The following TRPV3 variants were observed in gnomAD, a reference collection of about 807,000 sequenced individuals.
The protein encoded by TRPV3 is transient receptor potential cation channel subfamily V member 3, also known as VRL-3.
Under a neutral mutation model 87.1 loss-of-function variants are expected in TRPV3, and 88 were observed. The ratio of observed to expected loss-of-function variants is 1.01; its 90% confidence interval spans 0.85 to 1.21. The LOEUF (loss-of-function observed/expected upper bound fraction) is 1.21. Among genes scored for constraint, TRPV3 ranks in the 50% most tolerant of loss-of-function variants. The pLI, the probability that TRPV3 is intolerant of heterozygous loss-of-function variation, is 0.00. For missense variants in TRPV3, 1,054 were observed against 1,030.1 expected, an observed-to-expected ratio of 1.02 and a Z score of -0.32; for synonymous variants, 438 against 423.3, an observed-to-expected ratio of 1.03 and a Z score of -0.43.
chr17:3,541,007 A>G (rs949316332), intron 6 of TRPV3, among the ~76,000 whole-genome samples: 3 of 152,248 alleles, frequency 2.0e-5, no homozygotes, highest in Admixed American at 2.0e-4. Context: ...AGTTCAAATA[A>G]TAAATCACAA....
chr17:3,522,017 A>G (rs1334651939), intron 13 of TRPV3, among the ~76,000 whole-genome samples: 1 of 152,186 alleles, frequency 6.6e-6, no homozygotes. Context: ...AAGGGGTTGC[A>G]GTGAGCCTAG....
At chr17:3,527,786 G>A in intron 11 of TRPV3, 1 of 542,370 alleles carries the variant, frequency 1.8e-6, no homozygotes, top group Non-Finnish European at 3.3e-6. Flanking sequence ...ACACTGAGTG[G>A]CTGGGAAGGT....
chr17:3,555,187 G>A (rs2074615902), intron 1 of TRPV3, among the ~76,000 whole-genome samples: 1 of 151,960 alleles, frequency 6.6e-6, no homozygotes. Flanking sequence ...GGAGAGTCCA[G>A]CAGGGTGTCC....
Position 3,514,584 on chromosome 17 carries a change from C to A in TRPV3, c.2278+9G>T. The A allele has an allele frequency of 6.2e-7, 1 of 1,606,650 alleles. No individual in the cohort carries two copies. Among genetic ancestry groups the A allele is most frequent in the Non-Finnish European group, 8.5e-7 (1 of 1,173,310 alleles). ...GAGCGGACACCATGTCACCTCACAGCGACAGTACCTGTTCGTCTTACAGGC... is the reference window on the plus strand; with the variant it reads ...GAGCGGACACCATGTCACCTCACAGAGACAGTACCTGTTCGTCTTACAGGC... On this transcript the variant is annotated intron_variant, in intron 17 of 17. Coordinates refer to ENST00000576742, the MANE Select transcript of TRPV3 (RefSeq NM_145068.4).
chr17:3,525,944 A>G (rs2074296061), intron 12 of TRPV3, among the ~76,000 whole-genome samples: 2 of 152,156 alleles, frequency 1.3e-5, no homozygotes. Flanking sequence ...AGTATAATAT[A>G]TCGCAAACAT....
At chr17:3,529,915 G>T (rs1567636392) in intron 9 of TRPV3, 112 bp downstream of exon 9, 1 of 1,265,894 alleles carries the variant, frequency 7.9e-7, no homozygotes, top group Non-Finnish European at 1.1e-6. Context: ...GGGGTATGCA[G>T]ATGCCGAGGG....
intron 15 of TRPV3, among the ~76,000 whole-genome samples, chr17:3,517,914 G>GATCAAGCGATCCTCCTGCC (rs2150779679): frequency 6.6e-6 from 1 of 151,246 alleles, no homozygotes; most frequent in African/African-American, 2.4e-5. Context: ...CACCTCCTGG[G>GATCAAGCGATCCTCCTGCC]TTCAAGCGAT....
At chr17:3,549,471 A>T (rs563613854) in intron 2 of TRPV3, among the ~76,000 whole-genome samples, 4 of 152,346 alleles carry the variant, frequency 2.6e-5, no homozygotes, top group African/African-American at 7.2e-5. Context: ...ACTACAGTTG[A>T]ATTATCCTTG....
At position 3,519,696 on chromosome 17, in the gene TRPV3, G is replaced by GGAAGGATA. The variant is rs761576710; in HGVS notation, c.1811-847_1811-846insTATCCTTC. On this transcript the variant is annotated intron_variant, in intron 14 of 17. Transcript: ENST00000576742. ...TCGATGGATGGATGGATGATTGGAT[G>GGAAGGATA]GATGGATAGATGGATGGATGGATGG... 6.7e-3 allele frequency among the ~76,000 whole-genome samples: 828 copies of GGAAGGATA among 123,536 alleles called. 15 individuals are homozygous for GGAAGGATA. Among genetic ancestry groups the GGAAGGATA allele is most frequent in the Middle Eastern group, 9.6e-3 (2 of 208 alleles). The allele number at this position is 123,536 out of a possible 152,430, so 81.0% of individuals were successfully genotyped here.
At chr17:3,514,067 CTTTT>C in intron 17 of TRPV3, 56 bp from the exon 18 acceptor site, 1 of 1,418,150 alleles carries the variant, frequency 7.1e-7, no homozygotes, top group Non-Finnish European at 9.6e-7. Flanking sequence ...TAGTGTGTTT[CTTTT>C]TTCTTTTTCT....
intron 12 of TRPV3, 32 bp downstream of exon 12, chr17:3,526,822 G>A (rs1200901041): frequency 3.9e-5 from 61 of 1,581,616 alleles, no homozygotes; most frequent in Non-Finnish European, 4.8e-5. Context: ...CCCTGCCTGT[G>A]AGGCGATAAC....
rs1216041857 is a variant in TRPV3 at position 3,524,225 on chromosome 17, C to T, written c.1716G>A (p.Met572Ile). The change falls in exon 13 of 18, where the codon ATG becomes ATA. Residue 572 changes from methionine to isoleucine, a missense_variant. By Grantham distance (10) the Met-to-Ile change is conservative (BLOSUM62 1). Transcript: ENST00000576742. ...MLYYTRGFQS[M>I]GMYSVMIQKV... ...TCTGGATCATGACGCTGTACATGCCCATGGACTGGAAACCCCGCGTATAGT... is the reference window on the plus strand; with the variant it reads ...TCTGGATCATGACGCTGTACATGCCTATGGACTGGAAACCCCGCGTATAGT... 2 of 1,614,222 alleles carry T rather than the reference C, an allele frequency of 1.2e-6. No homozygotes were observed. The highest frequency in any genetic ancestry group is 3.3e-5 in the Admixed American group (2 of 60,016).
At chr17:3,538,853 G>A (rs2074432100) in intron 6 of TRPV3, among the ~76,000 whole-genome samples, 1 of 152,200 alleles carries the variant, frequency 6.6e-6, no homozygotes, top group Admixed American at 6.5e-5. Context: ...CCAAAGTGCT[G>A]GGATTACAGG....
chr17:3,553,443 A>G (rs568439333), intron 2 of TRPV3: 1 of 152,710 alleles, frequency 6.5e-6, no homozygotes, highest in East Asian at 1.9e-4. Context: ...CCCAGGACTC[A>G]GCTCCAGTGG....
chr17:3,545,101 A>G, intron 3 of TRPV3, 66 bp downstream of exon 3: 2 of 1,173,926 alleles, frequency 1.7e-6, no homozygotes, highest in Non-Finnish European at 2.5e-6. Context: ...AGGGCAAGTC[A>G]CTGGCCACAT....
chr17:3,513,836 TCAAAG>T lies in TRPV3; in HGVS notation c.*76_*80del. ...CAGCAGAGCCGGACTCCACCATCCC[TCAAAG>T]CCTCTCTGCACAGAGTCGGTGACTC... On this transcript the variant is annotated 3_prime_UTR_variant, in exon 18 of 18. Transcript: ENST00000576742. The T allele has an allele frequency of 1.6e-6, 2 of 1,259,418 alleles. No individual in the cohort carries two copies. Among genetic ancestry groups the T allele is most frequent in the Non-Finnish European group, 2.3e-6 (2 of 872,788 alleles). 78.0% of individuals were successfully genotyped at this position (1,259,418 alleles called of 1,614,324 possible).
rs534538392 is a variant in TRPV3 at position 3,536,655 on chromosome 17, G to A, written c.644-942C>T. Among the ~76,000 whole-genome samples the A allele has an allele frequency of 3.9e-5, 6 of 152,318 alleles. No homozygotes were observed. The East Asian group carries it at 1.2e-3, about 29-fold the overall frequency. On this transcript the variant is annotated intron_variant, in intron 6 of 17. Coordinates refer to ENST00000576742, the MANE Select transcript of TRPV3 (RefSeq NM_145068.4). ...TAAGGGGAGTTGGAGGGCACATGAA[G>A]GGTGGAGAAAGGAGGAAGCCCAAAG...
chr17:3,537,728 A>T (rs1281157344), intron 6 of TRPV3, among the ~76,000 whole-genome samples: 1 of 151,152 alleles, frequency 6.6e-6, no homozygotes, highest in Admixed American at 6.6e-5. Context: ...ACATGGAGAA[A>T]CCCCATCTCT....
At chr17:3,540,060 A>T (rs1483664009) in intron 6 of TRPV3, among the ~76,000 whole-genome samples, 5 of 145,518 alleles carry the variant, frequency 3.4e-5, no homozygotes, top group Non-Finnish European at 4.5e-5. Flanking sequence ...TCCATCTCAA[A>T]AAATAAATAA....
Sources: gnomAD v4.1 joint callset for allele counts (sites outside exome capture counted in the v4.1 genomes callset) on GRCh38, gnomAD v4.1.1 for gene constraint, MANE v1.5 for transcripts, NCBI Gene and HGNC (gene_info 2026-07-23, HGNC 2026-07-21) for gene names.